MAPK10: variants seen among roughly 807,000 people sequenced by gnomAD.
MAPK10 encodes JNK3 alpha protein kinase.
A neutral mutation model predicts 59.3 loss-of-function variants in MAPK10; 25 were observed. The ratio of observed to expected loss-of-function variants is 0.42; its 90% CI spans 0.31 to 0.59. MAPK10 has a LOEUF of 0.59. Among genes scored for constraint, MAPK10 ranks in the 20% least tolerant of loss-of-function variants. The pLI is 0.15. For synonymous variants in MAPK10, 190 were observed against 200.5 expected (o/e 0.95, Z 0.44); for missense variants, 351 against 568.9 (o/e 0.62, Z 3.90).
chr4:86,017,099 TGG>T lies in MAPK10; in HGVS notation c.*127_*128del. 3 of 1,029,710 alleles carry T rather than the reference TGG, an allele frequency of 2.9e-6. No individual in the cohort carries two copies. Among genetic ancestry groups the T allele is most frequent in the Non-Finnish European group, 4.3e-6 (3 of 705,546 alleles). The allele number at this position is 1,029,710 out of a possible 1,614,324, so 63.8% of individuals were successfully genotyped here. Reference sequence around the variant, plus strand: ...TGAAAGATTTATTTAATTTTAGGCTTGGATTCTCTCCCTTGCTGTTTTCTTGA... The same window carrying T: ...TGAAAGATTTATTTAATTTTAGGCTTATTCTCTCCCTTGCTGTTTTCTTGA... On this transcript the variant is annotated 3_prime_UTR_variant, in exon 14 of 14. Transcript: ENST00000641462. This position sits in a 1 kb window ranked among gnomAD's most constrained non-coding sequence, Gnocchi z 4.4.
chr4:86,330,784 G>A (rs1013504059), intron 2 of MAPK10, among the ~76,000 whole-genome samples: 2 of 152,130 alleles, frequency 1.3e-5, no homozygotes, highest in African/African-American at 4.8e-5. Flanking sequence ...ATTAATACAA[G>A]AGACCACTGC....
chr4:86,377,482 A>G (rs912922539), intron 1 of MAPK10, among the ~76,000 whole-genome samples: 1 of 152,222 alleles, frequency 6.6e-6, no homozygotes, highest in African/African-American at 2.4e-5. Flanking sequence ...GGGCTGTATA[A>G]TCTCAAATCT....
At chr4:86,430,802 C>T (rs555055617) in intron 1 of MAPK10, among the ~76,000 whole-genome samples, 15 of 152,202 alleles carry the variant, frequency 9.9e-5, no homozygotes, top group African/African-American at 3.6e-4. Context: ...TGGCTGCAAA[C>T]GAGGCTACAG....
chr4:86,569,296 A>G (rs1761287585), intron 1 of MAPK10, among the ~76,000 whole-genome samples: 1 of 152,280 alleles, frequency 6.6e-6, no homozygotes, highest in South Asian at 2.1e-4. Flanking sequence ...AAGTCAAAAA[A>G]CAACAGGTGT....
chr4:86,328,362 C>T (rs1193522474), intron 2 of MAPK10, among the ~76,000 whole-genome samples: 12 of 152,078 alleles, frequency 7.9e-5, no homozygotes, highest in Admixed American at 7.9e-4. Flanking sequence ...TAGATGCTGA[C>T]AAGGCTGTGG....
intron 2 of MAPK10, among the ~76,000 whole-genome samples, chr4:86,334,895 A>G (rs1199904577): frequency 1.3e-5 from 2 of 152,194 alleles, no homozygotes; most frequent in Non-Finnish European, 2.9e-5. Context: ...CCCTCACCAG[A>G]CTATAATCTC....
chr4:86,428,553 A>AAGATGGAT (rs1186532736), intron 1 of MAPK10, among the ~76,000 whole-genome samples: 5 of 152,146 alleles, frequency 3.3e-5, no homozygotes, highest in Non-Finnish European at 4.4e-5. Context: ...TGGGAAAACT[A>AAGATGGAT]AGATGGATAG....
intron 2 of MAPK10, among the ~76,000 whole-genome samples, chr4:86,243,667 A>G (rs1443965594): frequency 6.6e-6 from 1 of 152,050 alleles, no homozygotes; most frequent in East Asian, 1.9e-4. Flanking sequence ...GACTTGCTTC[A>G]GGGCTTAATC....
At chr4:86,304,655 G>GTGC (rs1486532938) in intron 2 of MAPK10, among the ~76,000 whole-genome samples, 2 of 151,442 alleles carry the variant, frequency 1.3e-5, no homozygotes, top group African/African-American at 4.9e-5. Flanking sequence ...GCCTCCCAAA[G>GTGC]TGCTGGGATT....
At chr4:86,139,366 A>G (rs1229741690) in intron 4 of MAPK10, among the ~76,000 whole-genome samples, 8 of 151,204 alleles carry the variant, frequency 5.3e-5, no homozygotes, top group South Asian at 2.1e-4. Context: ...CAGAGCCCTC[A>G]GAAATAACGC....
At chr4:86,304,644 G>C (rs906651510) in intron 2 of MAPK10, among the ~76,000 whole-genome samples, 2 of 151,228 alleles carry the variant, frequency 1.3e-5, no homozygotes, top group Non-Finnish European at 2.9e-5. Context: ...CGCCCGCCTC[G>C]GCCTCCCAAA....
At chr4:86,423,690 C>T (rs953330798) in intron 1 of MAPK10, among the ~76,000 whole-genome samples, 1 of 148,932 alleles carries the variant, frequency 6.7e-6, no homozygotes, top group Admixed American at 6.7e-5. Context: ...GAGACTTCAC[C>T]TATTGTGTGT....
intron 2 of MAPK10, among the ~76,000 whole-genome samples, chr4:86,244,581 T>C (rs1164336218): frequency 1.3e-5 from 2 of 152,188 alleles, no homozygotes; most frequent in Admixed American, 1.3e-4. Flanking sequence ...ATAAGTGAAC[T>C]GCCAGCTGAG....
chr4:86,432,609 G>A (rs1332916597), intron 1 of MAPK10, among the ~76,000 whole-genome samples: 1 of 152,090 alleles, frequency 6.6e-6, no homozygotes, highest in African/African-American at 2.4e-5. Flanking sequence ...TCACAAATTG[G>A]GTCTTCAGAA....
chr4:86,440,746 T>G (rs536678471), intron 1 of MAPK10, among the ~76,000 whole-genome samples: 7 of 152,292 alleles, frequency 4.6e-5, no homozygotes, highest in Admixed American at 1.3e-4. Context: ...ATGAGTCCAC[T>G]GATATTTTAA....
At chr4:86,572,648 G>A (rs557581661) in intron 1 of MAPK10, among the ~76,000 whole-genome samples, 44 of 152,274 alleles carry the variant, frequency 2.9e-4, no homozygotes, top group Admixed American at 2.6e-3. Context: ...ATATTAAGCC[G>A]AATATGGGAC....
intron 2 of MAPK10, among the ~76,000 whole-genome samples, chr4:86,216,495 AGTT>A (rs1285764824): frequency 6.6e-6 from 1 of 151,692 alleles, no homozygotes; most frequent in African/African-American, 2.4e-5. Context: ...TAACAGAAAA[AGTT>A]GAAAGAAAAA....
chr4:86,151,439 T>G (rs2066450801), intron 4 of MAPK10, among the ~76,000 whole-genome samples: 1 of 152,146 alleles, frequency 6.6e-6, no homozygotes, highest in South Asian at 2.1e-4. Context: ...GCTCATAAAC[T>G]TATAATGGAG....
At chr4:86,576,500 C>T (rs1254798639) in intron 1 of MAPK10, among the ~76,000 whole-genome samples, 1 of 152,094 alleles carries the variant, frequency 6.6e-6, no homozygotes, top group Non-Finnish European at 1.5e-5. Flanking sequence ...GTAGGCCGGG[C>T]GCGGTGGCTC....
Sources: allele counts gnomAD v4.1 joint callset (sites outside exome capture counted in the v4.1 genomes callset), GRCh38; gene constraint gnomAD v4.1.1; non-coding constraint Gnocchi (gnomAD v3.1); transcripts MANE v1.5; gene names NCBI Gene and HGNC (gene_info 2026-07-23, HGNC 2026-07-21).